NPHS1: variants seen among roughly 807,000 people sequenced by gnomAD.
NPHS1 encodes the protein NPHS1 adhesion molecule, nephrin.
A neutral mutation model predicts 139.7 loss-of-function variants in NPHS1; 107 were observed. That is an observed-to-expected ratio of 0.77 (90% CI 0.66 to 0.90). The LOEUF is 0.90. Ranked by LOEUF, NPHS1 falls within the 40% of genes least tolerant of loss-of-function variation. The pLI is 0.00. For missense variants in NPHS1, 1,580 were observed against 1,654.2 expected, an observed-to-expected ratio of 0.96 and a Z score of 0.78; for synonymous variants, 707 against 706.6, an observed-to-expected ratio of 1.00 and a Z score of -0.01.
intron 11 of NPHS1, among the ~76,000 whole-genome samples, chr19:35,846,967 A>T (rs1399447937): frequency 6.6e-6 from 1 of 152,148 alleles, no homozygotes; most frequent in Non-Finnish European, 1.5e-5. Flanking sequence ...TTGCCTCCAA[A>T]TCCCAAGAGT....
intron 22 of NPHS1, among the ~76,000 whole-genome samples, chr19:35,838,855 T>TA (rs960523912): frequency 9.9e-5 from 15 of 151,078 alleles, no homozygotes; most frequent in South Asian, 8.4e-4. Flanking sequence ...CTCAAAAAAA[T>TA]AAAAAAAAAT....
chr19:35,850,304 C>T (rs1427144701), intron 5 of NPHS1, 60 bp downstream of exon 5: 1 of 1,365,974 alleles, frequency 7.3e-7, no homozygotes, highest in African/African-American at 1.4e-5. Flanking sequence ...TCCCTGGGGT[C>T]TGGGGTTCCC....
chr19:35,851,311 A>C lies in NPHS1; in HGVS notation c.348T>G (p.Ser116=). 6.2e-7 allele frequency: 1 copy of C among 1,613,968 alleles called. No homozygotes were observed. The highest frequency in any genetic ancestry group is 8.5e-7 in the Non-Finnish European group (1 of 1,179,934). ...GAGACACGAGCTCGGGCCCCATCTC[A>C]GAGCGGCCGACCTGGCACTCATACT... The part of the protein sequence containing the change: ...DAEYECQVGR[S]EMGPELVSPR... Residue 116 remains serine (S), a synonymous_variant, in exon 3 of 29, where the codon TCT becomes TCG. Transcript: ENST00000378910.
intron 5 of NPHS1, 78 bp downstream of exon 5, chr19:35,850,286 T>C (rs1017006881): frequency 1.8e-6 from 2 of 1,140,978 alleles, no homozygotes; most frequent in African/African-American, 1.5e-5. Context: ...CCAAGCTTCA[T>C]GCTTGCATCC....
rs1973116172 is a variant in NPHS1 at position 35,845,089 on chromosome 19, G to A, written c.1930+279C>T. On this transcript the variant is annotated intron_variant, in intron 14 of 28. Transcript: ENST00000378910. The surrounding 1 kb of genome is among the most constrained non-coding windows in gnomAD (Gnocchi z 5.5). ...TCAAGACCAGCCTGGGCAACATAGT[G>A]AGACCCCGTTGCTACAAAAAGTAAA... 6.6e-6 allele frequency among the ~76,000 whole-genome samples: 1 copy of A among 152,204 alleles called. No homozygotes were observed. Among genetic ancestry groups the A allele is most frequent in the Admixed American group, 6.5e-5 (1 of 15,270 alleles).
intron 28 of NPHS1, among the ~76,000 whole-genome samples, chr19:35,829,137 C>T (rs994695363): frequency 6.6e-6 from 1 of 152,246 alleles, no homozygotes; most frequent in Non-Finnish European, 1.5e-5. Flanking sequence ...CTCCTACTCT[C>T]AGCCCAGTGA....
Position 35,831,478 on chromosome 19 carries a change from T to C in NPHS1, c.3309A>G (p.Ala1103=), listed in dbSNP as rs1691261915. The C allele has an allele frequency of 6.2e-7, 1 of 1,613,222 alleles. No homozygotes were observed. Among genetic ancestry groups the C allele is most frequent in the African/African-American group, 1.3e-5 (1 of 74,634 alleles). ...LAEGISEKTE[A]GSEEDRVRNE... Reference sequence around the variant, plus strand: ...TACAGAAAAATATCCCCACTTACCCTGCCTCTGTCTTCTCTGAGATGCCTG... The same window carrying C: ...TACAGAAAAATATCCCCACTTACCCCGCCTCTGTCTTCTCTGAGATGCCTG... Residue 1103 remains alanine (A), a splice_region_variant and synonymous_variant, in exon 25 of 29, where the codon GCA becomes GCG. Transcript: ENST00000378910.
intron 11 of NPHS1, among the ~76,000 whole-genome samples, chr19:35,847,054 C>A (rs931445965): frequency 8.0e-5 from 12 of 150,742 alleles, no homozygotes; most frequent in East Asian, 5.8e-4. Context: ...CTTTTCTTTT[C>A]TTTTTTTTTG....
chr19:35,826,849 T>C (rs1354556873), intron 28 of NPHS1, among the ~76,000 whole-genome samples: 1 of 152,200 alleles, frequency 6.6e-6, no homozygotes, highest in Non-Finnish European at 1.5e-5. Flanking sequence ...ACTTCAACAA[T>C]ATCAGGCTGG....
At position 35,831,734 on chromosome 19, in the gene NPHS1, C is replaced by T. The variant is rs778944343; in HGVS notation, c.3195G>A (p.Val1065=). The change falls in exon 24 of 29, where the codon GTG becomes GTA. Residue 1065 remains valine (V), a synonymous_variant. Transcript: ENST00000378910. The part of the protein sequence containing the change: ...SGPSGLPLLP[V]LFALGGLLLL... ...GCAGAAGCCCCCCAAGAGCGAACAG[C>T]ACAGGCAGCAGGGGCAGCCCCGAGG... The T allele has an allele frequency of 1.3e-6, 2 of 1,583,870 alleles. No homozygotes were observed. Among genetic ancestry groups the T allele is most frequent in the East Asian group, 4.6e-5 (2 of 43,096 alleles).
At chr19:35,840,861 T>C (rs1048659684) in intron 20 of NPHS1, among the ~76,000 whole-genome samples, 17 of 149,148 alleles carry the variant, frequency 1.1e-4, no homozygotes, top group African/African-American at 4.2e-4. Context: ...GCTTTTTTTT[T>C]TTTTTTTTAA....
chr19:35,835,766 G>A lies in NPHS1; in HGVS notation c.3110-5C>T, dbSNP rs190769116. The A allele has an allele frequency of 9.7e-5, 156 of 1,613,194 alleles. 1 individual carries two copies. The African/African-American group carries it at 1.6e-3, about 17-fold the overall frequency. On this transcript the variant is annotated splice_polypyrimidine_tract_variant and splice_region_variant and intron_variant, in intron 22 of 28. Transcript: ENST00000378910. ...CTCCAGAAGGCTGGTGGAGACCTGG[G>A]GGGTGGATATACAGATTGTGACTTA...
chr19:35,828,551 A>G (rs576139289), intron 28 of NPHS1, among the ~76,000 whole-genome samples: 1 of 152,220 alleles, frequency 6.6e-6, no homozygotes, highest in Non-Finnish European at 1.5e-5. Flanking sequence ...GGCATGAGCC[A>G]CCGTGCCCGG....
intron 8 of NPHS1, 65 bp downstream of exon 8, chr19:35,848,911 G>A (rs777260536): frequency 3.4e-5 from 54 of 1,610,406 alleles, no homozygotes; most frequent in Admixed American, 6.7e-5. Context: ...GCATAATTTG[G>A]GGGCACACAC....
intron 7 of NPHS1, 26 bp downstream of exon 7, chr19:35,849,210 T>G: frequency 6.2e-7 from 1 of 1,613,618 alleles, no homozygotes. Flanking sequence ...TGTCCCCCCA[T>G]TCCCCATGCC....
Position 35,826,599 on chromosome 19 carries a change from C to A in NPHS1, c.3641G>T (p.Arg1214Ile), listed in dbSNP as rs1198894064. The A allele has an allele frequency of 6.2e-7, 1 of 1,614,092 alleles. No homozygotes were observed. The highest frequency in any genetic ancestry group is 8.5e-7 in the Non-Finnish European group (1 of 1,180,014). ...TCCGGCCACCTGGTCATAGATTCCT[C>A]TTGGATCCTGATATGTGTCTTCAGG... ...HWPEDTYQDP[R>I]GIYDQVAGDL... is the part of the protein sequence containing the mutation. Residue 1214 changes from arginine (R) to isoleucine (I), a missense_variant, in exon 29 of 29, where the codon AGA (arginine) becomes ATA (isoleucine). Arg to Ile is a moderately conservative substitution (Grantham distance 97). Coordinates refer to ENST00000378910, the MANE Select transcript of NPHS1 (RefSeq NM_004646.4).
At chr19:35,844,016 G>A in intron 16 of NPHS1, 87 bp downstream of exon 16, 1 of 1,544,310 alleles carries the variant, frequency 6.5e-7, no homozygotes, top group Non-Finnish European at 8.8e-7. Context: ...GGCTATCCCT[G>A]GGTGGGCGGA....
chr19:35,849,195 C>A, intron 7 of NPHS1, 41 bp downstream of exon 7: 1 of 1,613,344 alleles, frequency 6.2e-7, no homozygotes, highest in African/African-American at 1.3e-5. Flanking sequence ...GCTCCCAGAC[C>A]CCACTGTCCC....
intron 6 of NPHS1, 45 bp downstream of exon 6, chr19:35,849,505 T>G: frequency 6.3e-7 from 1 of 1,593,760 alleles, no homozygotes; most frequent in Non-Finnish European, 8.6e-7. Flanking sequence ...CCCCAGTGCC[T>G]GCTCCCCATC....
Sources: gnomAD v4.1 joint callset for allele counts (sites outside exome capture counted in the v4.1 genomes callset) on GRCh38, gnomAD v4.1.1 for gene constraint, Gnocchi (gnomAD v3.1) non-coding constraint, MANE v1.5 for transcripts, NCBI Gene and HGNC (gene_info 2026-07-23, HGNC 2026-07-21) for gene names.